The following DST variants were observed in gnomAD, a reference collection of about 807,000 sequenced individuals.
The protein encoded by DST is bullous pemphigoid antigen.
A neutral mutation model predicts 875.2 loss-of-function variants in DST; 253 were observed. The ratio of observed to expected loss-of-function variants is 0.29; its 90% CI spans 0.26 to 0.32. DST has a LOEUF of 0.32. DST is among the 10% of genes least tolerant of loss of function. The pLI, the probability that DST is intolerant of heterozygous loss-of-function variation, is 1.00. For missense variants in DST, 8,287 were observed against 9,111.6 expected, an observed-to-expected ratio of 0.91 and a Z score of 3.68; for synonymous variants, 3,124 against 3,197.1, an observed-to-expected ratio of 0.98 and a Z score of 0.77.
rs1278993038 is a variant in DST at position 56,514,813 on chromosome 6, G to C, written c.18576+637C>G. Among the ~76,000 whole-genome samples, 3 of 152,118 alleles carry C rather than the reference G, an allele frequency of 2.0e-5. No homozygotes were observed. In the East Asian group the frequency reaches 5.8e-4, roughly 29 times the overall value. The stretch of plus-strand genomic sequence containing the variant: ...AACAATTAAGTGACTGCTGAAAAGA[G>C]GGCTTTATGTGCCATTTCATACATG... On this transcript the variant is annotated intron_variant, in intron 72 of 103. Transcript: ENST00000680361.
chr6:56,806,817 T>C (rs79589260), intron 4 of DST, among the ~76,000 whole-genome samples: 4 of 152,154 alleles, frequency 2.6e-5, no homozygotes, highest in East Asian at 1.9e-4. Context: ...ACAAAACCAA[T>C]GACATATTAT....
At position 56,572,730 on chromosome 6, in the gene DST, T is replaced by C. The variant is rs1249357775; in HGVS notation, c.13554+17A>G. Reference sequence around the variant, plus strand: ...TAATCTATCTGATTAGCCTCCTGAGTAGTAAGGGAGGCATACCTGCATATA... The same window carrying C: ...TAATCTATCTGATTAGCCTCCTGAGCAGTAAGGGAGGCATACCTGCATATA... On this transcript the variant is annotated intron_variant, in intron 52 of 103. Coordinates refer to ENST00000680361, the MANE Select transcript of DST (RefSeq NM_001374736.1). 1.3e-6 allele frequency: 2 copies of C among 1,530,472 alleles called. No homozygotes were observed. Among genetic ancestry groups the C allele is most frequent in the South Asian group, 2.7e-5 (2 of 75,466 alleles). 94.8% of individuals were successfully genotyped at this position (1,530,472 alleles called of 1,614,324 possible).
intron 58 of DST, among the ~76,000 whole-genome samples, chr6:56,560,063 T>C (rs1010391951): frequency 6.6e-6 from 1 of 152,130 alleles, no homozygotes. Flanking sequence ...AGTATCTACC[T>C]TCTTCATAAA....
At chr6:56,875,761 G>A (rs1779375420) in intron 3 of DST, among the ~76,000 whole-genome samples, 1 of 152,132 alleles carries the variant, frequency 6.6e-6, no homozygotes, top group Non-Finnish European at 1.5e-5. Flanking sequence ...TGGAATCTTA[G>A]CACAGGTGAA....
intron 4 of DST, among the ~76,000 whole-genome samples, chr6:56,824,681 G>A (rs373235892): frequency 3.3e-5 from 5 of 151,122 alleles, no homozygotes; most frequent in South Asian, 2.1e-4. Flanking sequence ...GGTGAGGAGC[G>A]TCTGTGCCCA....
intron 9 of DST, among the ~76,000 whole-genome samples, chr6:56,683,568 G>A (rs1360138494): frequency 6.6e-6 from 1 of 152,116 alleles, no homozygotes; most frequent in Non-Finnish European, 1.5e-5. Flanking sequence ...CATGCTCAAC[G>A]TGACATGGCA....
intron 69 of DST, among the ~76,000 whole-genome samples, chr6:56,525,594 C>T (rs1438265764): frequency 6.6e-6 from 1 of 152,228 alleles, no homozygotes; most frequent in Non-Finnish European, 1.5e-5. Flanking sequence ...CTTAGTCACA[C>T]ACCATCACAA....
At chr6:56,635,236 C>A (rs1323917713) in intron 24 of DST, among the ~76,000 whole-genome samples, 3 of 152,104 alleles carry the variant, frequency 2.0e-5, no homozygotes, top group Non-Finnish European at 4.4e-5. Context: ...GTAAGCACCA[C>A]AAAGGTAGAG....
At chr6:56,861,825 C>T (rs914975986) in intron 3 of DST, 1 of 152,182 alleles carries the variant, frequency 6.6e-6, no homozygotes, top group Non-Finnish European at 1.5e-5. Flanking sequence ...ATGCATCTTA[C>T]AGGACCCCAG....
At chr6:56,517,958 G>C (rs2096627383) in intron 69 of DST, among the ~76,000 whole-genome samples, 1 of 152,036 alleles carries the variant, frequency 6.6e-6, no homozygotes. Context: ...CCAACAGCCA[G>C]GTACCATCTT....
chr6:56,723,331 G>A (rs1177941949), intron 5 of DST, among the ~76,000 whole-genome samples: 1 of 152,132 alleles, frequency 6.6e-6, no homozygotes, highest in African/African-American at 2.4e-5. Flanking sequence ...TTGGGAGGCT[G>A]AGGCAGGCAG....
chr6:56,879,346 C>T (rs762467744), intron 3 of DST, among the ~76,000 whole-genome samples: 5 of 152,128 alleles, frequency 3.3e-5, no homozygotes, highest in Non-Finnish European at 7.4e-5. Flanking sequence ...TGGCAGGCGC[C>T]TGTAGTCCCA....
intron 4 of DST, among the ~76,000 whole-genome samples, chr6:56,784,095 C>G (rs991113213): frequency 1.3e-5 from 2 of 152,094 alleles, no homozygotes; most frequent in Non-Finnish European, 2.9e-5. Flanking sequence ...GAGAGATCTG[C>G]TGTTAGTCTG....
At chr6:56,744,307 G>A (rs960394524) in intron 4 of DST, among the ~76,000 whole-genome samples, 1 of 151,902 alleles carries the variant, frequency 6.6e-6, no homozygotes, top group Non-Finnish European at 1.5e-5. Context: ...AGGCAGGGAT[G>A]AGATTTCTGA....
chr6:56,860,149 A>G (rs1409880563), intron 3 of DST, among the ~76,000 whole-genome samples: 1 of 152,230 alleles, frequency 6.6e-6, no homozygotes, highest in Non-Finnish European at 1.5e-5. Flanking sequence ...AAGGACACGT[A>G]AAGGACCTGT....
intron 38 of DST, among the ~76,000 whole-genome samples, chr6:56,610,805 AACAT>A (rs2098538162): frequency 6.6e-6 from 1 of 152,182 alleles, no homozygotes; most frequent in African/African-American, 2.4e-5. Context: ...ACCCTTATTT[AACAT>A]ACAAAATTCC....
intron 61 of DST, among the ~76,000 whole-genome samples, chr6:56,547,263 T>C (rs1261529563): frequency 1.3e-5 from 2 of 152,224 alleles, no homozygotes; most frequent in African/African-American, 4.8e-5. Context: ...CAGCTCCACC[T>C]CTTCATAGCT....
rs1159479184 is a variant in DST, at chr6:56,561,362, C to A, written c.14256G>T (p.Gln4752His). ...KMNKTATKWQ[Q>H]TPAPTDTEAV... The stretch of plus-strand genomic sequence containing the variant: ...CTTCAGTATCTGTAGGTGCAGGTGT[C>A]TGCTGCCATTTTGTTGCAGTTTTGT... Residue 4752 changes from glutamine to histidine, a missense_variant, in exon 57 of 104, where the codon CAG becomes CAT. This residue lies in a region of DST where 1,513 missense variants were observed against 1,677.8 expected (regional missense o/e 0.90). Coordinates refer to ENST00000680361, the MANE Select transcript of DST (RefSeq NM_001374736.1). 6.2e-7 allele frequency: 1 copy of A among 1,613,800 alleles called. No homozygotes were observed. The highest frequency in any genetic ancestry group is 2.2e-5 in the East Asian group (1 of 44,860).
chr6:56,692,134 GC>G (rs1448771232), intron 9 of DST, among the ~76,000 whole-genome samples: 4 of 152,154 alleles, frequency 2.6e-5, no homozygotes, highest in Admixed American at 6.5e-5. Flanking sequence ...TTACTGTAGT[GC>G]TTTTTAAAGT....
Sources: allele counts gnomAD v4.1 joint callset (sites outside exome capture counted in the v4.1 genomes callset), GRCh38; gene constraint gnomAD v4.1.1; regional missense constraint gnomAD v4.1.1; transcripts MANE v1.5; gene names NCBI Gene and HGNC (gene_info 2026-07-23, HGNC 2026-07-21).